MAP3K20: variants seen among roughly 807,000 people sequenced by gnomAD.
MAP3K20 encodes the protein HCCS-4.
A neutral mutation model predicts 85.7 loss-of-function variants in MAP3K20; 40 were observed. That is an observed-to-expected ratio of 0.47 (90% CI 0.36 to 0.61). The LOEUF is 0.61. Among genes scored for constraint, MAP3K20 ranks in the 20% least tolerant of loss-of-function variants. The pLI is 0.00. For synonymous variants in MAP3K20, 325 were observed against 327.7 expected (o/e 0.99, Z 0.09); for missense variants, 817 against 961.7 (o/e 0.85, Z 1.99).
At chr2:173,197,742 A>G (rs1690896434) in intron 7 of MAP3K20, 1 of 167,356 alleles carries the variant, frequency 6.0e-6, no homozygotes, top group South Asian at 1.9e-4. Context: ...CTGATAATTT[A>G]TGAGATGACA....
chr2:173,221,801 G>A, intron 11 of MAP3K20: 1 of 1,093,452 alleles, frequency 9.1e-7, no homozygotes, highest in Non-Finnish European at 1.1e-6. Context: ...TACAATATAG[G>A]ACTTTTAAAG....
rs1685429672 is a variant in MAP3K20, at chr2:173,266,599, A to G, written c.2252A>G (p.Glu751Gly). Residue 751 changes from glutamate (E) to glycine (G), a missense_variant, in exon 20 of 20, where the codon GAG (glutamate) becomes GGG (glycine). Transcript: ENST00000375213. ...ATACCAGGGATGCCTTTGCACCCTGAGACTGACTCAAGAGCCAGTGAAGAG... is the reference window on the plus strand; with the variant it reads ...ATACCAGGGATGCCTTTGCACCCTGGGACTGACTCAAGAGCCAGTGAAGAG... ...NTIPGMPLHP[E>G]TDSRASEEDS... 6.2e-7 allele frequency: 1 copy of G among 1,613,946 alleles called. No individual in the cohort carries two copies. The highest frequency in any genetic ancestry group is 8.5e-7 in the Non-Finnish European group (1 of 1,179,996).
intron 2 of MAP3K20, among the ~76,000 whole-genome samples, chr2:173,146,249 A>G (rs1199927346): frequency 6.6e-6 from 1 of 151,974 alleles, no homozygotes; most frequent in Admixed American, 6.6e-5. Flanking sequence ...TTTTTAAGGC[A>G]AAGGAACAAG....
At position 173,140,829 on chromosome 2, in the gene MAP3K20, C is replaced by G. The variant is rs184785444; in HGVS notation, c.160-28976C>G. The stretch of plus-strand genomic sequence containing the variant: ...AAAATTATGCGGAACTAAACATATA[C>G]ACACACACACACGAGTGCATATAAA... On this transcript the variant is annotated intron_variant, in intron 2 of 19. Transcript: ENST00000375213. 1.1e-3 allele frequency among the ~76,000 whole-genome samples: 166 copies of G among 151,582 alleles called. 1 individual carries two copies. Among genetic ancestry groups the G allele is most frequent in the Middle Eastern group, 3.4e-3 (1 of 292 alleles).
chr2:173,238,417 C>A lies in MAP3K20; in HGVS notation c.1248C>A (p.His416Gln), dbSNP rs1326885001. ...CCCATGATTACATAAATTTGTTTCA[C>A]TTCCCACCACTAATTAAGGTAAGTA... is the stretch of plus-strand genomic sequence containing the variant. ...KLTHDYINLF[H>Q]FPPLIKDSGG... The change falls in exon 15 of 20, where the codon CAC becomes CAA. Residue 416 changes from histidine (H) to glutamine (Q), a missense_variant. By Grantham distance (24) the His-to-Gln change is conservative. Coordinates refer to ENST00000375213, the MANE Select transcript of MAP3K20 (RefSeq NM_016653.3). 2 of 1,612,630 alleles carry A rather than the reference C, an allele frequency of 1.2e-6. No individual in the cohort carries two copies. The highest frequency in any genetic ancestry group is 1.7e-6 in the Non-Finnish European group (2 of 1,179,376).
chr2:173,191,205 C>T (rs1037008338), intron 7 of MAP3K20, 28 bp downstream of exon 7: 3 of 1,607,948 alleles, frequency 1.9e-6, no homozygotes, highest in African/African-American at 2.7e-5. Flanking sequence ...TTCTTGTTTA[C>T]TAAGGGAAAT....
At chr2:173,228,848 T>C (rs1050963509) in intron 11 of MAP3K20, among the ~76,000 whole-genome samples, 3 of 152,162 alleles carry the variant, frequency 2.0e-5, no homozygotes, top group Admixed American at 1.3e-4. Flanking sequence ...AAGAAAATAT[T>C]TGTAACAGAA....
chr2:173,178,569 A>G (rs985643719), intron 3 of MAP3K20, among the ~76,000 whole-genome samples: 3 of 152,152 alleles, frequency 2.0e-5, no homozygotes, highest in Admixed American at 2.0e-4. Flanking sequence ...GCTTGAACCC[A>G]GGAGGCGGAG....
intron 11 of MAP3K20, chr2:173,226,094 T>G (rs944484909): frequency 2.6e-5 from 26 of 984,884 alleles, no homozygotes; most frequent in Non-Finnish European, 2.5e-5. Flanking sequence ...GGTGGGTTTT[T>G]AACCAGTGAT....
chr2:173,083,368 T>A (rs943570769), intron 1 of MAP3K20, among the ~76,000 whole-genome samples: 16 of 152,180 alleles, frequency 1.1e-4, no homozygotes, highest in South Asian at 4.2e-4. Flanking sequence ...TTTATTTTTT[T>A]TTTTTGAGAC....
chr2:173,134,258 T>TTGGCTTAC (rs904496947), intron 2 of MAP3K20, among the ~76,000 whole-genome samples: 1 of 145,284 alleles, frequency 6.9e-6, no homozygotes, highest in African/African-American at 2.5e-5. Flanking sequence ...TGGCGTGATT[T>TTGGCTTAC]TGGCTTACTG....
At chr2:173,147,085 A>G (rs1689159196) in intron 2 of MAP3K20, among the ~76,000 whole-genome samples, 1 of 152,312 alleles carries the variant, frequency 6.6e-6, no homozygotes, top group South Asian at 2.1e-4. Flanking sequence ...AAGAATTTGT[A>G]TATATTCCAC....
intron 16 of MAP3K20, among the ~76,000 whole-genome samples, chr2:173,253,379 G>GTT (rs2106349227): frequency 6.6e-6 from 1 of 152,274 alleles, no homozygotes; most frequent in East Asian, 1.9e-4. Flanking sequence ...GAATGCTGAG[G>GTT]TTCAGAAAGG....
intron 18 of MAP3K20, 46 bp downstream of exon 18, chr2:173,261,183 G>T: frequency 1.3e-6 from 2 of 1,576,220 alleles, no homozygotes; most frequent in South Asian, 2.2e-5. Flanking sequence ...ATCAGTTAAT[G>T]AATATAAATT....
chr2:173,252,571 A>T (rs1317792223), intron 16 of MAP3K20, among the ~76,000 whole-genome samples: 1 of 152,172 alleles, frequency 6.6e-6, no homozygotes, highest in Non-Finnish European at 1.5e-5. Flanking sequence ...GTAGATTTGC[A>T]TTGAGAGGCA....
chr2:173,076,124 T>C (rs1187083705), intron 1 of MAP3K20, 122 bp downstream of exon 1: 12 of 726,910 alleles, frequency 1.7e-5, no homozygotes, highest in South Asian at 6.1e-5. Context: ...CTAGGCGGCC[T>C]CGGGAGGCTC....
intron 5 of MAP3K20, among the ~76,000 whole-genome samples, chr2:173,188,019 C>G (rs1414242535): frequency 6.6e-6 from 1 of 152,166 alleles, no homozygotes; most frequent in Non-Finnish European, 1.5e-5. Context: ...GCTTTGTGCA[C>G]TATCAATTTT....
intron 11 of MAP3K20, among the ~76,000 whole-genome samples, chr2:173,218,561 G>A (rs111342556): frequency 2.0e-5 from 3 of 152,348 alleles, no homozygotes; most frequent in African/African-American, 7.2e-5. Flanking sequence ...CTGCACAGGA[G>A]CAGTGCTTCT....
In MAP3K20 at chr2:173,234,769, G is replaced by A. The variant is rs143566123; in HGVS notation, c.1203+2310G>A. 2.6e-5 allele frequency among the ~76,000 whole-genome samples: 4 copies of A among 152,336 alleles called. 1 individual carries two copies. The East Asian group carries it at 5.8e-4, about 22-fold the overall frequency. The stretch of plus-strand genomic sequence containing the variant: ...AGAACGCATGGCACCTGAAGTGGAA[G>A]GAAGGTGGGGCCGGATCCTGGACAG... On this transcript the variant is annotated intron_variant, in intron 14 of 19. Transcript: ENST00000375213.
Sources: allele counts gnomAD v4.1 joint callset (sites outside exome capture counted in the v4.1 genomes callset), GRCh38; gene constraint gnomAD v4.1.1; transcripts MANE v1.5; gene names NCBI Gene and HGNC (gene_info 2026-07-23, HGNC 2026-07-21).